The following TMEM132B variants were observed in gnomAD, a reference collection of about 807,000 sequenced individuals.
TMEM132B encodes transmembrane protein 132B.
TMEM132B carries 18 observed loss-of-function variants against 90.8 expected under a neutral mutation model. That is an observed-to-expected ratio of 0.20 (90% CI 0.14 to 0.29). The LOEUF (loss-of-function observed/expected upper bound fraction) is 0.29. Among genes scored for constraint, TMEM132B ranks in the 10% least tolerant of loss-of-function variants. TMEM132B has a pLI of 1.00. For missense variants in TMEM132B, 1,096 were observed against 1,326.8 expected, an observed-to-expected ratio of 0.83 and a Z score of 2.70; for synonymous variants, 504 against 523.3, an observed-to-expected ratio of 0.96 and a Z score of 0.50.
chr12:125,275,924 G>A lies in TMEM132B; in HGVS notation c.68-73528G>A, dbSNP rs371249713. Among the ~76,000 whole-genome samples the A allele has an allele frequency of 2.6e-5, 4 of 152,176 alleles. No homozygotes were observed. The East Asian group carries it at 7.7e-4, about 29-fold the overall frequency. On this transcript the variant is annotated intron_variant, in intron 1 of 8. Coordinates refer to ENST00000682704, the MANE Select transcript of TMEM132B (RefSeq NM_001366854.1). ...AAATGGGGTCTCCCTATGTTGTGCA[G>A]TCTGGTCTTGAACTCCTGGGCTTAA...
chr12:125,574,544 T>C (rs896383750), intron 4 of TMEM132B, among the ~76,000 whole-genome samples: 3 of 152,086 alleles, frequency 2.0e-5, no homozygotes, highest in East Asian at 3.9e-4. Context: ...GATTAGAAGC[T>C]AACAGAACTA....
chr12:125,397,986 A>C (rs756965278), intron 2 of TMEM132B, among the ~76,000 whole-genome samples: 3 of 152,216 alleles, frequency 2.0e-5, no homozygotes, highest in Non-Finnish European at 4.4e-5. Flanking sequence ...AGTATGTCCC[A>C]CATAGTGACA....
intron 6 of TMEM132B, among the ~76,000 whole-genome samples, chr12:125,645,082 G>T (rs919337983): frequency 6.6e-6 from 1 of 151,990 alleles, no homozygotes; most frequent in African/African-American, 2.4e-5. Flanking sequence ...GCTGGGCGTG[G>T]TGGTGGGCGC....
At chr12:125,264,803 C>G (rs1322797210) in intron 1 of TMEM132B, among the ~76,000 whole-genome samples, 1 of 152,242 alleles carries the variant, frequency 6.6e-6, no homozygotes, top group African/African-American at 2.4e-5. Flanking sequence ...TTCTTTTCCC[C>G]TTGCATGAAT....
chr12:125,341,810 T>C (rs1444106489), intron 1 of TMEM132B, among the ~76,000 whole-genome samples: 1 of 152,220 alleles, frequency 6.6e-6, no homozygotes, highest in East Asian at 1.9e-4. Context: ...TTGAGAATCC[T>C]TGTCTTAGAG....
At chr12:125,287,176 C>G (rs1875385026) in intron 1 of TMEM132B, among the ~76,000 whole-genome samples, 1 of 152,062 alleles carries the variant, frequency 6.6e-6, no homozygotes, top group Non-Finnish European at 1.5e-5. Flanking sequence ...CTTTTCCTCC[C>G]TCCCTCCTCT....
At chr12:125,600,269 A>T (rs756860293) in intron 5 of TMEM132B, among the ~76,000 whole-genome samples, 10 of 151,982 alleles carry the variant, frequency 6.6e-5, no homozygotes, top group Non-Finnish European at 1.3e-4. Context: ...AGTTGAAAAG[A>T]CTCAGCAGAA....
At chr12:125,286,082 G>A (rs989870383) in intron 1 of TMEM132B, among the ~76,000 whole-genome samples, 1 of 152,188 alleles carries the variant, frequency 6.6e-6, no homozygotes, top group Non-Finnish European at 1.5e-5. Flanking sequence ...TCACCCTAGC[G>A]CCAGGTACTT....
intron 1 of TMEM132B, among the ~76,000 whole-genome samples, chr12:125,275,238 C>G (rs1450045515): frequency 2.0e-5 from 3 of 152,158 alleles, no homozygotes; most frequent in Non-Finnish European, 4.4e-5. Context: ...TTTGTAGATT[C>G]AGCTTTTTTT....
intron 4 of TMEM132B, among the ~76,000 whole-genome samples, chr12:125,554,814 T>C (rs1254061920): frequency 6.6e-6 from 1 of 152,222 alleles, no homozygotes; most frequent in African/African-American, 2.4e-5. Context: ...TATGACTACA[T>C]TTACAGTTAA....
At chr12:125,569,087 G>T (rs1039630346) in intron 4 of TMEM132B, among the ~76,000 whole-genome samples, 2 of 152,102 alleles carry the variant, frequency 1.3e-5, no homozygotes, top group African/African-American at 4.8e-5. Flanking sequence ...GACAGTAGCT[G>T]CTCTGGGCAT....
Position 125,546,583 on chromosome 12 carries a change from C to T in TMEM132B, c.1293+26958C>T, listed in dbSNP as rs142716929. Among the ~76,000 whole-genome samples the T allele has an allele frequency of 2.0e-4, 30 of 152,264 alleles. No homozygotes were observed. In the East Asian group the frequency reaches 2.1e-3, roughly 11 times the overall value. ...TTTTGGTCTGGCTTCTTTCACTTAACGATGCTTTTGAAATTCACTTATGTT... is the reference window on the plus strand; with the variant it reads ...TTTTGGTCTGGCTTCTTTCACTTAATGATGCTTTTGAAATTCACTTATGTT... On this transcript the variant is annotated intron_variant, in intron 4 of 8. Coordinates refer to ENST00000682704, the MANE Select transcript of TMEM132B (RefSeq NM_001366854.1).
At chr12:125,295,970 C>A (rs964640406) in intron 1 of TMEM132B, among the ~76,000 whole-genome samples, 2 of 152,170 alleles carry the variant, frequency 1.3e-5, no homozygotes, top group African/African-American at 4.8e-5. Flanking sequence ...TATGAGTATG[C>A]TTTTTCTCCT....
chr12:125,283,415 C>G (rs1875254839), intron 1 of TMEM132B, among the ~76,000 whole-genome samples: 1 of 152,080 alleles, frequency 6.6e-6, no homozygotes, highest in Non-Finnish European at 1.5e-5. Flanking sequence ...ACTAGAGTTA[C>G]CAGGGTCCGT....
intron 2 of TMEM132B, among the ~76,000 whole-genome samples, chr12:125,373,465 C>G (rs1878365721): frequency 6.6e-6 from 1 of 152,178 alleles, no homozygotes; most frequent in South Asian, 2.1e-4. Flanking sequence ...TGATCATCTG[C>G]AAGCCAAGGA....
intron 5 of TMEM132B, among the ~76,000 whole-genome samples, chr12:125,623,269 C>G (rs1223139813): frequency 6.6e-6 from 1 of 152,172 alleles, no homozygotes; most frequent in South Asian, 2.1e-4. Context: ...TGAAAACATC[C>G]TACAGATAAA....
At chr12:125,291,217 A>G (rs956242137) in intron 1 of TMEM132B, among the ~76,000 whole-genome samples, 3 of 152,234 alleles carry the variant, frequency 2.0e-5, no homozygotes, top group Admixed American at 6.5e-5. Context: ...TCTGCAACCC[A>G]GAAGAAGGCC....
chr12:125,586,606 TG>T (rs1885184098), intron 5 of TMEM132B: 1 of 152,256 alleles, frequency 6.6e-6, no homozygotes, highest in South Asian at 2.1e-4. Flanking sequence ...CCATCCCACC[TG>T]GGTTGTAACT....
At chr12:125,583,563 G>A (rs188555187) in intron 4 of TMEM132B, among the ~76,000 whole-genome samples, 20 of 152,208 alleles carry the variant, frequency 1.3e-4, no homozygotes, top group East Asian at 1.2e-3. Flanking sequence ...GACTGAGGGC[G>A]GCGGGGATGG....
Sources: allele counts gnomAD v4.1 joint callset (sites outside exome capture counted in the v4.1 genomes callset), GRCh38; gene constraint gnomAD v4.1.1; transcripts MANE v1.5; gene names NCBI Gene and HGNC (gene_info 2026-07-23, HGNC 2026-07-21).